ADCY10: variants seen among roughly 807,000 people sequenced by gnomAD.
ADCY10 encodes the protein adenylate cyclase type 10.
A neutral mutation model predicts 183.3 loss-of-function variants in ADCY10; 156 were observed. The observed-to-expected ratio is 0.85, with a 90% CI of 0.75 to 0.97. ADCY10 has a LOEUF of 0.97. Among genes scored for constraint, ADCY10 ranks in the 50% least tolerant of loss-of-function variants. ADCY10 has a pLI of 0.00. For synonymous variants in ADCY10, 645 were observed against 670.0 expected (o/e 0.96, Z 0.58); for missense variants, 1,745 against 1,934.3 (o/e 0.90, Z 1.84).
intron 14 of ADCY10, among the ~76,000 whole-genome samples, chr1:167,868,096 G>A (rs1034036938): frequency 5.9e-5 from 9 of 152,234 alleles, no homozygotes; most frequent in South Asian, 4.1e-4. Flanking sequence ...AACTCTCTCC[G>A]GAACCAGTAT....
rs1358758643 is a variant in ADCY10 at position 167,846,179 on chromosome 1, G to A, written c.2522C>T (p.Thr841Ile). The A allele has an allele frequency of 6.2e-7, 1 of 1,614,218 alleles. No individual in the cohort carries two copies. Among genetic ancestry groups the A allele is most frequent in the Non-Finnish European group, 8.5e-7 (1 of 1,180,034 alleles). Residue 841 changes from threonine (T) to isoleucine (I), a missense_variant, in exon 20 of 33, where the codon ACC becomes ATC. Coordinates refer to ENST00000367851, the MANE Select transcript of ADCY10 (RefSeq NM_018417.6). ...GAGAATCTCAAACAACAACTCAGTG[G>A]TGAAGGTCAGGCCAATGATGGCAGC... ...RCAAIIGLTF[T>I]TELLFEILPC...
chr1:167,891,021 G>GC (rs747377938), intron 8 of ADCY10, among the ~76,000 whole-genome samples: 32 of 152,194 alleles, frequency 2.1e-4, no homozygotes, highest in Middle Eastern at 3.4e-3. Flanking sequence ...GAGTGCAGTG[G>GC]CGCAATCTCG....
In ADCY10 at chr1:167,908,363, T is replaced by C. The variant is rs986427440; in HGVS notation, c.-58-3165A>G. Among the ~76,000 whole-genome samples, 9 of 152,074 alleles carry C rather than the reference T, an allele frequency of 5.9e-5. No individual in the cohort carries two copies. In the East Asian group the frequency reaches 1.3e-3, roughly 23 times the overall value. ...ATGGAATCTAAAAAAGTCAAAATCA[T>C]AGAAGCAGAGTAGAATGGTGATGCC... On this transcript the variant is annotated intron_variant, in intron 1 of 32. Transcript: ENST00000367851.
intron 30 of ADCY10, chr1:167,820,304 T>A: frequency 8.2e-7 from 1 of 1,218,558 alleles, no homozygotes; most frequent in Non-Finnish European, 1.1e-6. Flanking sequence ...TAGCCAAGTC[T>A]CTGGGAAGGG....
intron 18 of ADCY10, among the ~76,000 whole-genome samples, chr1:167,854,020 G>A (rs545243147): frequency 5.9e-5 from 9 of 151,796 alleles, no homozygotes; most frequent in Admixed American, 3.9e-4. Flanking sequence ...TGTATTTTTA[G>A]TACAGATGGG....
chr1:167,901,983 TC>T, intron 4 of ADCY10, 32 bp downstream of exon 4: 1 of 1,613,500 alleles, frequency 6.2e-7, no homozygotes, highest in East Asian at 2.2e-5. Context: ...AGCACTCCTT[TC>T]TTACCCCTTC....
intron 14 of ADCY10, among the ~76,000 whole-genome samples, chr1:167,865,440 GTC>G (rs1478947384): frequency 6.6e-6 from 1 of 152,154 alleles, no homozygotes; most frequent in East Asian, 1.9e-4. Context: ...GTTAAAAAGA[GTC>G]TGTAAAAACT....
chr1:167,809,387 T>G lies in ADCY10; in HGVS notation c.*291A>C. 8.1e-6 allele frequency: 3 copies of G among 369,784 alleles called. No homozygotes were observed. Among genetic ancestry groups the G allele is most frequent in the Non-Finnish European group, 1.5e-5 (3 of 200,458 alleles). 22.9% of individuals were successfully genotyped at this position (369,784 alleles called of 1,614,324 possible). On this transcript the variant is annotated 3_prime_UTR_variant, in exon 33 of 33. Coordinates refer to ENST00000367851, the MANE Select transcript of ADCY10 (RefSeq NM_018417.6). ...TGCAACACACGATGTCATACCATCT[T>G]GAGATTAATAATTTGTAATATGATA...
intron 6 of ADCY10, among the ~76,000 whole-genome samples, chr1:167,896,916 A>C (rs1288129925): frequency 6.6e-6 from 1 of 152,214 alleles, no homozygotes; most frequent in African/African-American, 2.4e-5. Flanking sequence ...ATATGTACAG[A>C]GAGGGTCATT....
At chr1:167,865,879 A>G (rs2102096156) in intron 14 of ADCY10, among the ~76,000 whole-genome samples, 1 of 152,310 alleles carries the variant, frequency 6.6e-6, no homozygotes, top group East Asian at 1.9e-4. Flanking sequence ...GCTGCATGGT[A>G]GCTCTTTTCC....
chr1:167,904,376 G>A (rs1199407265), intron 2 of ADCY10, among the ~76,000 whole-genome samples: 1 of 152,018 alleles, frequency 6.6e-6, no homozygotes, highest in Non-Finnish European at 1.5e-5. Flanking sequence ...GTGAGCCACC[G>A]AACCCGGTGG....
chr1:167,902,537 G>A (rs750845532), intron 3 of ADCY10, among the ~76,000 whole-genome samples: 18 of 152,128 alleles, frequency 1.2e-4, no homozygotes, highest in Middle Eastern at 3.2e-3. Flanking sequence ...TTATTTAGAC[G>A]GTATGGCATA....
At chr1:167,884,516 G>T (rs758112597) in intron 8 of ADCY10, among the ~76,000 whole-genome samples, 4 of 151,978 alleles carry the variant, frequency 2.6e-5, no homozygotes, top group Non-Finnish European at 5.9e-5. Flanking sequence ...CCATATCAAT[G>T]ATTAAATTAT....
At chr1:167,882,484 CAAAA>C (rs71100909) in intron 9 of ADCY10, among the ~76,000 whole-genome samples, 4 of 71,136 alleles carry the variant, frequency 5.6e-5, no homozygotes, top group Non-Finnish European at 8.5e-5. Flanking sequence ...GATTCCGTCT[CAAAA>C]AAAAAAAAAA....
intron 19 of ADCY10, among the ~76,000 whole-genome samples, chr1:167,846,485 A>T (rs1260150012): frequency 5.3e-5 from 8 of 152,232 alleles, no homozygotes; most frequent in Non-Finnish European, 1.2e-4. Flanking sequence ...AAAGACACAC[A>T]GCACAATGAC....
Position 167,870,457 on chromosome 1 carries a change from T to C in ADCY10, c.1463-47A>G, listed in dbSNP as rs778767242. On this transcript the variant is annotated intron_variant, in intron 13 of 32. Coordinates refer to ENST00000367851, the MANE Select transcript of ADCY10 (RefSeq NM_018417.6). ...AAGAGCAAACTCAATCAACGTAAAATAGTCTAGAGATATAAAAAGTCACAT... is the reference window on the plus strand; with the variant it reads ...AAGAGCAAACTCAATCAACGTAAAACAGTCTAGAGATATAAAAAGTCACAT... 8.7e-6 allele frequency: 13 copies of C among 1,498,342 alleles called. No individual in the cohort carries two copies. The South Asian group carries it at 1.0e-4, about 12-fold the overall frequency. 92.8% of individuals were successfully genotyped at this position (1,498,342 alleles called of 1,614,324 possible). A position where few individuals can be genotyped will look rare whatever the true frequency, so the allele number is the denominator to read the frequency against.
intron 26 of ADCY10, among the ~76,000 whole-genome samples, chr1:167,827,383 G>T (rs567084818): frequency 6.7e-6 from 1 of 148,438 alleles, no homozygotes; most frequent in Non-Finnish European, 1.5e-5. Context: ...TTTCACCGTG[G>T]TCTTGATCTC....
intron 14 of ADCY10, among the ~76,000 whole-genome samples, chr1:167,861,341 G>T (rs1459713426): frequency 3.3e-5 from 5 of 152,170 alleles, no homozygotes; most frequent in African/African-American, 1.2e-4. Flanking sequence ...TCCAGGTCAT[G>T]ACCCTCTGAC....
intron 18 of ADCY10, among the ~76,000 whole-genome samples, chr1:167,849,359 T>C (rs61806970): frequency 0.082 from 12,546 of 152,216 alleles, 691 homozygotes; most frequent in African/African-American, 0.15. Flanking sequence ...TTCTATCCCT[T>C]CAGCCATTCA....
Sources: gnomAD v4.1 joint callset for allele counts (sites outside exome capture counted in the v4.1 genomes callset) on GRCh38, gnomAD v4.1.1 for gene constraint, MANE v1.5 for transcripts, NCBI Gene and HGNC (gene_info 2026-07-23, HGNC 2026-07-21) for gene names.